Variants in SDK1 observed in about 807,000 individuals in gnomAD.
The protein encoded by SDK1 is sidekick cell adhesion molecule 1.
SDK1 carries 157 observed loss-of-function variants against 245.5 expected under a neutral mutation model. The observed-to-expected ratio is 0.64, with a 90% CI of 0.56 to 0.73. The LOEUF is 0.73. Ranked by LOEUF, SDK1 falls within the 30% of genes least tolerant of loss-of-function variation. The probability of loss-of-function intolerance (pLI) is 0.00; values close to 1 mark genes in which losing one functional copy is unlikely to be tolerated. For synonymous variants in SDK1, 1,647 were observed against 1,278.5 expected, an observed-to-expected ratio of 1.29 and a Z score of -6.15; for missense variants, 3,583 against 3,002.3, an observed-to-expected ratio of 1.19 and a Z score of -4.52.
chr7:4,020,686 A>G (rs1171326889), intron 17 of SDK1, among the ~76,000 whole-genome samples: 1 of 152,212 alleles, frequency 6.6e-6, no homozygotes, highest in Non-Finnish European at 1.5e-5. Flanking sequence ...ACACACGTGT[A>G]TATTCACACA....
At chr7:3,746,803 A>G (rs2115059311) in intron 4 of SDK1, among the ~76,000 whole-genome samples, 1 of 152,234 alleles carries the variant, frequency 6.6e-6, no homozygotes, top group African/African-American at 2.4e-5. Flanking sequence ...GAACCCCTCA[A>G]ACTCACCCAT....
chr7:3,605,770 A>C (rs944283230), intron 1 of SDK1, among the ~76,000 whole-genome samples: 1 of 152,214 alleles, frequency 6.6e-6, no homozygotes. Flanking sequence ...TTTATTTTAG[A>C]TAAGGTGATT....
Position 4,029,214 on chromosome 7 carries a change from C to CT in SDK1, c.2602+11877dup, listed in dbSNP as rs532321663. The stretch of plus-strand genomic sequence containing the variant: ...CTTGATTTTCTTTCTTTTATTCTTT[C>CT]TTTTTTTTTTTTTTTGTGAAGAAGT... On this transcript the variant is annotated intron_variant, in intron 17 of 44. Transcript: ENST00000404826. Among the ~76,000 whole-genome samples the CT allele has an allele frequency of 5.3e-3, 521 of 98,388 alleles. 31 individuals carry two copies. The highest frequency in any genetic ancestry group is 0.019 in the Middle Eastern group (4 of 206). 64.5% of individuals were successfully genotyped at this position (98,388 alleles called of 152,430 possible).
At chr7:3,950,250 G>C (rs1035204860) in intron 5 of SDK1, among the ~76,000 whole-genome samples, 1 of 152,202 alleles carries the variant, frequency 6.6e-6, no homozygotes, top group Non-Finnish European at 1.5e-5. Flanking sequence ...AAAGGCCAGG[G>C]ACAGTGACCC....
chr7:3,994,641 CAAA>C (rs58677753), intron 14 of SDK1, among the ~76,000 whole-genome samples: 9,195 of 89,020 alleles, frequency 0.1, 891 homozygotes, highest in African/African-American at 0.28. Context: ...GACTTCATCT[CAAA>C]AAAAAAAAAA....
At chr7:3,326,231 G>C (rs576489238) in intron 1 of SDK1, among the ~76,000 whole-genome samples, 13 of 152,160 alleles carry the variant, frequency 8.5e-5, no homozygotes, top group African/African-American at 3.1e-4. Flanking sequence ...TGAACATTTT[G>C]GTGAACATGT....
intron 35 of SDK1, among the ~76,000 whole-genome samples, chr7:4,196,994 T>C (rs1188291617): frequency 6.6e-6 from 1 of 152,204 alleles, no homozygotes; most frequent in Non-Finnish European, 1.5e-5. Context: ...TTGCTTCCTG[T>C]TGGAGCATGC....
chr7:3,829,266 G>C (rs1246191665), intron 5 of SDK1, among the ~76,000 whole-genome samples: 1 of 152,160 alleles, frequency 6.6e-6, no homozygotes, highest in Non-Finnish European at 1.5e-5. Flanking sequence ...TGTTTTAGGT[G>C]ATCTAGGAAC....
intron 1 of SDK1, among the ~76,000 whole-genome samples, chr7:3,594,637 G>A (rs565204988): frequency 4.4e-4 from 67 of 152,222 alleles, no homozygotes; most frequent in African/African-American, 1.5e-3. Context: ...TCACTTTACT[G>A]GGTGGTTTGG....
At chr7:3,757,676 C>T (rs1246331327) in intron 4 of SDK1, among the ~76,000 whole-genome samples, 1 of 152,208 alleles carries the variant, frequency 6.6e-6, no homozygotes, top group Non-Finnish European at 1.5e-5. Flanking sequence ...GTGCCCCGTC[C>T]TCCCAGTACC....
At chr7:3,603,959 G>A (rs1032323314) in intron 1 of SDK1, among the ~76,000 whole-genome samples, 3 of 152,064 alleles carry the variant, frequency 2.0e-5, no homozygotes, top group Non-Finnish European at 4.4e-5. Context: ...TTTGTCTTTG[G>A]TTCTGTTTAT....
intron 1 of SDK1, among the ~76,000 whole-genome samples, chr7:3,560,020 C>G (rs1159495586): frequency 6.6e-6 from 1 of 152,208 alleles, no homozygotes; most frequent in Non-Finnish European, 1.5e-5. Context: ...CCCCAGGAGA[C>G]AGGAGATAGC....
intron 1 of SDK1, among the ~76,000 whole-genome samples, chr7:3,363,940 G>C (rs1781019295): frequency 1.3e-5 from 2 of 152,186 alleles, no homozygotes; most frequent in Admixed American, 1.3e-4. Context: ...ATGTGATCCA[G>C]TTTCACATCC....
At chr7:4,234,583 C>T (rs749963515) in intron 41 of SDK1, among the ~76,000 whole-genome samples, 5 of 152,074 alleles carry the variant, frequency 3.3e-5, no homozygotes, top group Non-Finnish European at 7.4e-5. Flanking sequence ...GAGGGAGGGC[C>T]GGCAAAGCTG....
At chr7:4,192,121 C>T (rs370077861) in intron 35 of SDK1, among the ~76,000 whole-genome samples, 7 of 152,246 alleles carry the variant, frequency 4.6e-5, no homozygotes, top group African/African-American at 1.7e-4. Context: ...GCAGGCGCAT[C>T]ACACTCCTCA....
rs975694782 is a variant in SDK1, at chr7:4,158,502, G to A, written c.4680G>A (p.Gly1560=). ...KLRLKATNDI[G]DSDFSSETEA... ...GCCTGAAAGCCACCAACGACATTGG[G>A]GACAGTGACTTCAGTTCAGAGACAG... The change falls in exon 31 of 45, where the codon GGG becomes GGA. Residue 1560 remains glycine (G), a synonymous_variant. Coordinates refer to ENST00000404826, the MANE Select transcript of SDK1 (RefSeq NM_152744.4). 5.6e-6 allele frequency: 9 copies of A among 1,613,752 alleles called. No individual in the cohort carries two copies. Among genetic ancestry groups the A allele is most frequent in the Admixed American group, 5.0e-5 (3 of 60,004 alleles).
chr7:3,351,688 A>G (rs570938465), intron 1 of SDK1, among the ~76,000 whole-genome samples: 20 of 152,220 alleles, frequency 1.3e-4, no homozygotes, highest in Non-Finnish European at 2.4e-4. Flanking sequence ...AGAGATGAAG[A>G]GGATCACTGC....
intron 4 of SDK1, among the ~76,000 whole-genome samples, chr7:3,694,640 C>T (rs979721057): frequency 1.3e-5 from 2 of 151,980 alleles, no homozygotes; most frequent in Non-Finnish European, 2.9e-5. Flanking sequence ...TAAGACATTC[C>T]CTGGAAAACA....
At chr7:3,887,625 CAAAA>C (rs552502574) in intron 5 of SDK1, among the ~76,000 whole-genome samples, 1 of 151,986 alleles carries the variant, frequency 6.6e-6, no homozygotes, top group Admixed American at 6.5e-5. Flanking sequence ...TTTAACAAAA[CAAAA>C]AAAGCATGTT....
Sources: allele counts gnomAD v4.1 joint callset (sites outside exome capture counted in the v4.1 genomes callset), GRCh38; gene constraint gnomAD v4.1.1; transcripts MANE v1.5; gene names NCBI Gene and HGNC (gene_info 2026-07-23, HGNC 2026-07-21).